CWH43: variants seen among roughly 807,000 people sequenced by gnomAD.
CWH43 encodes the protein cell wall biogenesis 43 C-terminal homolog.
Under a neutral mutation model 85.7 loss-of-function variants are expected in CWH43, and 91 were observed. The ratio of observed to expected loss-of-function variants is 1.06; its 90% CI spans 0.90 to 1.26. The LOEUF (loss-of-function observed/expected upper bound fraction) is 1.26, where lower values mean the gene tolerates loss of function less well. CWH43 is among the 50% of genes most tolerant of loss of function. CWH43 has a pLI of 0.00. For synonymous variants in CWH43, 323 were observed against 293.6 expected, an observed-to-expected ratio of 1.10 and a Z score of -1.02; for missense variants, 869 against 839.2, an observed-to-expected ratio of 1.04 and a Z score of -0.44.
rs1156914014 is a variant in CWH43 at position 48,988,571 on chromosome 4, T to G, written c.138T>G (p.Ser46Arg). The change falls in exon 2 of 16, where the codon AGT (serine) becomes AGG (arginine). Residue 46 changes from serine to arginine, a missense_variant. Around this residue, in one of 3 missense-constraint regions of CWH43, gnomAD observed 140 missense variants for 122.6 expected, o/e 1.14. Coordinates refer to ENST00000226432, the MANE Select transcript of CWH43 (RefSeq NM_025087.3). ...TLELTGLEGF[S>R]IAFLSPIFLT... Reference sequence around the variant, plus strand: ...AACTCACTGGGCTTGAAGGTTTTAGTATAGCATTTCTTTCTCCAATATTCC... The same window carrying G: ...AACTCACTGGGCTTGAAGGTTTTAGGATAGCATTTCTTTCTCCAATATTCC... 2 of 1,613,544 alleles carry G rather than the reference T, an allele frequency of 1.2e-6. No homozygotes were observed. Among genetic ancestry groups the G allele is most frequent in the Non-Finnish European group, 1.7e-6 (2 of 1,179,508 alleles).
chr4:49,039,200 C>T (rs1784360530), intron 13 of CWH43, among the ~76,000 whole-genome samples: 1 of 141,470 alleles, frequency 7.1e-6, no homozygotes, highest in Non-Finnish European at 1.5e-5. Flanking sequence ...GCAGATGACA[C>T]TGAATTACTC....
At chr4:49,008,771 G>A (rs549975328) in intron 8 of CWH43, among the ~76,000 whole-genome samples, 1 of 152,292 alleles carries the variant, frequency 6.6e-6, no homozygotes, top group South Asian at 2.1e-4. Context: ...GTTTGTCAAA[G>A]ATCAGATGGT....
intron 6 of CWH43, among the ~76,000 whole-genome samples, chr4:49,002,199 GT>G (rs1560488988): frequency 6.6e-6 from 1 of 152,032 alleles, no homozygotes; most frequent in Non-Finnish European, 1.5e-5. Context: ...CTAGGAATCT[GT>G]TTTAAGGAAA....
intron 1 of CWH43, 108 bp downstream of exon 1, chr4:48,986,580 C>A (rs779799485): frequency 3.9e-6 from 6 of 1,523,942 alleles, no homozygotes; most frequent in Non-Finnish European, 3.5e-6. Context: ...AGGAAAAGGG[C>A]GCTCCGTGCC....
chr4:49,015,731 C>T (rs1783523115), intron 8 of CWH43, among the ~76,000 whole-genome samples: 1 of 152,024 alleles, frequency 6.6e-6, no homozygotes, highest in Non-Finnish European at 1.5e-5. Context: ...ATATTTTCTG[C>T]CTCTATGTTT....
At chr4:49,039,076 AT>A (rs1328778370) in intron 13 of CWH43, among the ~76,000 whole-genome samples, 4 of 87,224 alleles carry the variant, frequency 4.6e-5, no homozygotes, top group Admixed American at 1.8e-4. Context: ...ATATAAATAA[AT>A]TAAATAAATA....
chr4:48,999,489 A>T (rs1196334314), intron 6 of CWH43, among the ~76,000 whole-genome samples: 1 of 152,186 alleles, frequency 6.6e-6, no homozygotes, highest in Non-Finnish European at 1.5e-5. Flanking sequence ...AGGAATTGCC[A>T]CACTGATTTC....
chr4:48,994,512 C>A, intron 4 of CWH43, 107 bp from the exon 5 acceptor site: 1 of 904,038 alleles, frequency 1.1e-6, no homozygotes, highest in Non-Finnish European at 1.8e-6. Context: ...CCGAAGTAAG[C>A]TTCTTGAAGC....
intron 6 of CWH43, among the ~76,000 whole-genome samples, chr4:49,001,172 G>A (rs181370569): frequency 5.5e-4 from 83 of 152,216 alleles, no homozygotes; most frequent in Middle Eastern, 3.4e-3. Flanking sequence ...AATGTTGATA[G>A]CAGTTAAATT....
rs1219263671 is a variant in CWH43 at position 49,044,796 on chromosome 4, G to A, written c.1814G>A (p.Ser605Asn). The A allele has an allele frequency of 2.5e-6, 4 of 1,612,928 alleles. No individual in the cohort carries two copies. The South Asian group carries it at 3.3e-5, about 13-fold the overall frequency. Residue 605 changes from serine (S) to asparagine (N), a missense_variant, in exon 14 of 16, where the codon AGC becomes AAC. This residue lies in a region of CWH43 where 577 missense variants were observed against 513.1 expected (regional missense o/e 1.12). Transcript: ENST00000226432. ...TEHGNVKDID[S>N]TDHDRWCEYI... ...TCTGCTCTTTATTAGGATATCGACA[G>A]CACTGATCATGACAGATGGTGTGAA...
chr4:49,034,657 T>C (rs1388695411), intron 12 of CWH43, among the ~76,000 whole-genome samples: 1 of 152,188 alleles, frequency 6.6e-6, no homozygotes, highest in Non-Finnish European at 1.5e-5. Flanking sequence ...GAAGGCAGTG[T>C]AATTTAATGA....
chr4:49,018,168 A>C (rs1202579830), intron 9 of CWH43, among the ~76,000 whole-genome samples: 1 of 152,038 alleles, frequency 6.6e-6, no homozygotes. Context: ...ATCTCATGAG[A>C]ACTCACTCTT....
chr4:49,002,998 A>AGTGGAC (rs1783042279), intron 6 of CWH43, among the ~76,000 whole-genome samples: 1 of 152,192 alleles, frequency 6.6e-6, no homozygotes, highest in Non-Finnish European at 1.5e-5. Flanking sequence ...GAAAGGGGTT[A>AGTGGAC]TATTGATGGT....
Position 48,994,834 on chromosome 4 carries a change from TG to T in CWH43, c.713+16del. 2.5e-6 allele frequency: 4 copies of T among 1,612,054 alleles called. No individual in the cohort carries two copies. The highest frequency in any genetic ancestry group is 1.3e-5 in the African/African-American group (1 of 74,996). On this transcript the variant is annotated intron_variant, in intron 5 of 15. Transcript: ENST00000226432. The stretch of plus-strand genomic sequence containing the variant: ...TAACCCATTTGGGTGAGTTTGGGTT[TG>T]GAAGCAATCACAAAATCGGCAGTTA...
rs184417618 is a variant in CWH43 at position 49,056,507 on chromosome 4, G to A, written c.2022-5305G>A. 1.3e-3 allele frequency among the ~76,000 whole-genome samples: 200 copies of A among 152,100 alleles called. 1 individual carries two copies. The highest frequency in any genetic ancestry group is 2.4e-3 in the Non-Finnish European group (166 of 67,992). On this transcript the variant is annotated intron_variant, in intron 15 of 15. Transcript: ENST00000226432. ...GATTATTTGTGTTTCTGTGGTATCA[G>A]TTGTAACATCTCCACACTGATTTAT... is the stretch of plus-strand genomic sequence containing the variant.
At chr4:49,053,473 G>T (rs1459053136) in intron 15 of CWH43, among the ~76,000 whole-genome samples, 1 of 152,022 alleles carries the variant, frequency 6.6e-6, no homozygotes, top group Non-Finnish European at 1.5e-5. Context: ...TTGCCTTTTT[G>T]GTACTAGCCA....
intron 15 of CWH43, among the ~76,000 whole-genome samples, chr4:49,053,658 T>G (rs901173370): frequency 6.6e-6 from 1 of 152,192 alleles, no homozygotes; most frequent in Non-Finnish European, 1.5e-5. Context: ...TTAAGTTTTT[T>G]GAGTTCCCTA....
At position 49,007,251 on chromosome 4, in the gene CWH43, A is replaced by T; in HGVS notation, c.1111A>T (p.Asn371Tyr). 1 of 1,611,846 alleles carries T rather than the reference A, an allele frequency of 6.2e-7. No homozygotes were observed. Among genetic ancestry groups the T allele is most frequent in the South Asian group, 1.1e-5 (1 of 90,490 alleles). ...GLNMLFGPKK[N>Y]LDLLLQTKNS... ...GAATATGCTATTTGGTCCTAAGAAA[A>T]ACCTTGACTTGCTTCTTCAAACAAA... Residue 371 changes from asparagine to tyrosine, a missense_variant, in exon 8 of 16, where the codon AAC becomes TAC. Asn to Tyr is a moderately radical substitution (Grantham distance 143). This residue lies in a region of CWH43 where 577 missense variants were observed against 513.1 expected (regional missense o/e 1.12). Coordinates refer to ENST00000226432, the MANE Select transcript of CWH43 (RefSeq NM_025087.3).
At chr4:49,006,115 C>G (rs1309501757) in intron 7 of CWH43, among the ~76,000 whole-genome samples, 1 of 152,146 alleles carries the variant, frequency 6.6e-6, no homozygotes, top group South Asian at 2.1e-4. Flanking sequence ...TGTGTACTCT[C>G]TCCTGCTTTG....
Sources: allele counts gnomAD v4.1 joint callset (sites outside exome capture counted in the v4.1 genomes callset), GRCh38; gene constraint gnomAD v4.1.1; regional missense constraint gnomAD v4.1.1; transcripts MANE v1.5; gene names NCBI Gene and HGNC (gene_info 2026-07-23, HGNC 2026-07-21).